SLC4A10: variants seen among roughly 807,000 people sequenced by gnomAD.
The protein encoded by SLC4A10 is sodium-driven chloride bicarbonate exchanger.
SLC4A10 carries 42 observed loss-of-function variants against 137.7 expected under a neutral mutation model. The ratio of observed to expected loss-of-function variants is 0.30; its 90% CI spans 0.24 to 0.39. The LOEUF is 0.39. SLC4A10 is among the 10% of genes least tolerant of loss of function. SLC4A10 has a pLI of 1.00. For synonymous variants in SLC4A10, 474 were observed against 464.1 expected, an observed-to-expected ratio of 1.02 and a Z score of -0.27; for missense variants, 925 against 1,355.0, an observed-to-expected ratio of 0.68 and a Z score of 4.98.
At chr2:161,751,295 T>G (rs1377994174) in intron 1 of SLC4A10, among the ~76,000 whole-genome samples, 2 of 151,620 alleles carry the variant, frequency 1.3e-5, no homozygotes, top group Non-Finnish European at 3.0e-5. Context: ...ATAGGTTTTC[T>G]GTTTGTCTTG....
chr2:161,730,882 TAAG>T (rs1340484219), intron 1 of SLC4A10, among the ~76,000 whole-genome samples: 1 of 152,204 alleles, frequency 6.6e-6, no homozygotes, highest in Non-Finnish European at 1.5e-5. Flanking sequence ...GTTAACCACG[TAAG>T]AAGTAGCTGA....
intron 16 of SLC4A10, among the ~76,000 whole-genome samples, chr2:161,943,287 G>A (rs922425817): frequency 8.5e-5 from 13 of 152,088 alleles, no homozygotes; most frequent in African/African-American, 2.2e-4. Context: ...CTGCTGGGGG[G>A]AAAGGGATGT....
chr2:161,977,033 T>A (rs1699491850), intron 25 of SLC4A10, among the ~76,000 whole-genome samples, 157 bp downstream of exon 25: 1 of 152,188 alleles, frequency 6.6e-6, no homozygotes, highest in Admixed American at 6.5e-5. Context: ...TTATTTCAAA[T>A]GTTGGTATGT....
chr2:161,797,266 C>G lies in SLC4A10; in HGVS notation c.131-7183C>G, dbSNP rs538823495. Among the ~76,000 whole-genome samples, 4 of 152,118 alleles carry G rather than the reference C, an allele frequency of 2.6e-5. No homozygotes were observed. The East Asian group carries it at 5.8e-4, about 22-fold the overall frequency. On this transcript the variant is annotated intron_variant, in intron 2 of 26. Transcript: ENST00000446997. Reference sequence around the variant, plus strand: ...TCTTCTGTTTTTGCTCACGTTATCTCCTTTTTCTAAATTTTTCACTCCTCT... The same window carrying G: ...TCTTCTGTTTTTGCTCACGTTATCTGCTTTTTCTAAATTTTTCACTCCTCT...
At chr2:161,872,442 C>T in intron 7 of SLC4A10, 58 bp downstream of exon 7, 1 of 1,352,538 alleles carries the variant, frequency 7.4e-7, no homozygotes, top group South Asian at 1.2e-5. Flanking sequence ...GAAATTACTA[C>T]CCATTTTAAG....
chr2:161,886,321 T>G (rs1022376377), intron 10 of SLC4A10, among the ~76,000 whole-genome samples: 1 of 152,130 alleles, frequency 6.6e-6, no homozygotes, highest in African/African-American at 2.4e-5. Flanking sequence ...ATGAAATGAA[T>G]GTCCAGATTT....
intron 1 of SLC4A10, among the ~76,000 whole-genome samples, chr2:161,717,240 C>G (rs568027305): frequency 6.6e-6 from 1 of 152,074 alleles, no homozygotes; most frequent in Non-Finnish European, 1.5e-5. Context: ...ATGTCATGGG[C>G]AAAGACAATT....
chr2:161,734,522 C>T (rs908825046), intron 1 of SLC4A10, among the ~76,000 whole-genome samples: 7 of 151,958 alleles, frequency 4.6e-5, no homozygotes, highest in African/African-American at 7.3e-5. Flanking sequence ...TTCCCAGTCT[C>T]GGGTATGTTT....
intron 23 of SLC4A10, among the ~76,000 whole-genome samples, chr2:161,965,479 C>G (rs1262872857): frequency 6.6e-6 from 1 of 152,110 alleles, no homozygotes; most frequent in Non-Finnish European, 1.5e-5. Context: ...CAGAAACTTG[C>G]TAATACTTAA....
At chr2:161,758,155 A>G (rs2049869929) in intron 1 of SLC4A10, among the ~76,000 whole-genome samples, 1 of 151,906 alleles carries the variant, frequency 6.6e-6, no homozygotes, top group African/African-American at 2.4e-5. Context: ...TAGTGTCATT[A>G]TTTTAGTAAA....
At chr2:161,901,081 C>A in intron 12 of SLC4A10, 70 bp downstream of exon 12, 1 of 1,175,034 alleles carries the variant, frequency 8.5e-7, no homozygotes, top group Non-Finnish European at 1.2e-6. Context: ...TCAGAAATTG[C>A]TATTTTGGGA....
At position 161,909,251 on chromosome 2, in the gene SLC4A10, A is replaced by AT. The variant is rs746963628; in HGVS notation, c.1997+3365dup. Among the ~76,000 whole-genome samples, 11 of 151,970 alleles carry AT rather than the reference A, an allele frequency of 7.2e-5. No homozygotes were observed. In the East Asian group the frequency reaches 1.5e-3, roughly 21 times the overall value. On this transcript the variant is annotated intron_variant, in intron 15 of 26. Coordinates refer to ENST00000446997, the MANE Select transcript of SLC4A10 (RefSeq NM_001178015.2). The stretch of plus-strand genomic sequence containing the variant: ...GTATAATAACAATAAAATTAAATAT[A>AT]TAAAAAAAAAGAGGAGTGACAGAGG...
chr2:161,745,515 TTC>T (rs1357107067), intron 1 of SLC4A10, among the ~76,000 whole-genome samples: 2 of 152,192 alleles, frequency 1.3e-5, no homozygotes, highest in Non-Finnish European at 2.9e-5. Flanking sequence ...CTCTTTTGAA[TTC>T]TCTGTCTGAA....
At chr2:161,953,002 C>T (rs931303835) in intron 19 of SLC4A10, among the ~76,000 whole-genome samples, 8 of 152,200 alleles carry the variant, frequency 5.3e-5, no homozygotes, top group African/African-American at 1.9e-4. Flanking sequence ...TATCACCAGA[C>T]CACAAGCTAA....
At chr2:161,701,455 A>T (rs764412858) in intron 1 of SLC4A10, among the ~76,000 whole-genome samples, 11 of 152,014 alleles carry the variant, frequency 7.2e-5, no homozygotes, top group African/African-American at 2.2e-4. Flanking sequence ...TAATTGATAT[A>T]TAATAGTTGT....
intron 23 of SLC4A10, among the ~76,000 whole-genome samples, chr2:161,973,114 G>C (rs371498458): frequency 6.6e-6 from 1 of 152,172 alleles, no homozygotes; most frequent in South Asian, 2.1e-4. Flanking sequence ...GCTACTGAAA[G>C]AGGAAATGAG....
At position 161,735,063 on chromosome 2, in the gene SLC4A10, T is replaced by C. The variant is rs187380705; in HGVS notation, c.49-35910T>C. 6.2e-3 allele frequency among the ~76,000 whole-genome samples: 945 copies of C among 151,948 alleles called. 8 individuals are homozygous for C. The highest frequency in any genetic ancestry group is 0.022 in the African/African-American group (899 of 41,498). ...TGAGGCCTCCCAAGCCATGAGAAAC[T>C]GTGAGTCAATTAAACCTCTTTTCTT... On this transcript the variant is annotated intron_variant, in intron 1 of 26. Transcript: ENST00000446997.
intron 1 of SLC4A10, among the ~76,000 whole-genome samples, chr2:161,720,325 G>A (rs2045501350): frequency 6.6e-6 from 1 of 152,186 alleles, no homozygotes; most frequent in African/African-American, 2.4e-5. Flanking sequence ...AAGTCAGGTA[G>A]CGTGATGCCT....
In SLC4A10 at chr2:161,923,091, A is replaced by G. The variant is rs535188142; in HGVS notation, c.1997+17204A>G. 2.0e-4 allele frequency among the ~76,000 whole-genome samples: 31 copies of G among 152,322 alleles called. 1 individual carries two copies. Among genetic ancestry groups the G allele is most frequent in the African/African-American group, 7.5e-4 (31 of 41,582 alleles). On this transcript the variant is annotated intron_variant, in intron 15 of 26. Coordinates refer to ENST00000446997, the MANE Select transcript of SLC4A10 (RefSeq NM_001178015.2). ...CGCAGGCTCTTCTTGTGTAAGGAAG[A>G]CAGATCACCTCCATTAGCCTTGAAA...
Sources: gnomAD v4.1 joint callset for allele counts (sites outside exome capture counted in the v4.1 genomes callset) on GRCh38, gnomAD v4.1.1 for gene constraint, MANE v1.5 for transcripts, NCBI Gene and HGNC (gene_info 2026-07-23, HGNC 2026-07-21) for gene names.